Variants in WDR7 observed in about 807,000 individuals in gnomAD.
WDR7 encodes WD repeat domain 7.
A neutral mutation model predicts 169.4 loss-of-function variants in WDR7; 46 were observed. The observed-to-expected ratio is 0.27, with a 90% CI of 0.21 to 0.35. The LOEUF (loss-of-function observed/expected upper bound fraction) is 0.35, where lower values mean the gene tolerates loss of function less well. Ranked by LOEUF, WDR7 falls within the 10% of genes least tolerant of loss-of-function variation. The pLI is 1.00. For synonymous variants in WDR7, 612 were observed against 666.8 expected (o/e 0.92, Z 1.27); for missense variants, 1,534 against 1,859.3 (o/e 0.83, Z 3.22).
intron 12 of WDR7, among the ~76,000 whole-genome samples, chr18:56,716,331 GT>G (rs967375593): frequency 1.1e-4 from 16 of 151,194 alleles, no homozygotes; most frequent in South Asian, 2.1e-4. Context: ...TCCGAACTTA[GT>G]TTTTTTTTAA....
chr18:56,983,715 G>A (rs940778041), intron 26 of WDR7, among the ~76,000 whole-genome samples: 1 of 152,104 alleles, frequency 6.6e-6, no homozygotes, highest in African/African-American at 2.4e-5. Context: ...TAATTTTGGA[G>A]CATTCTTATG....
intron 14 of WDR7, among the ~76,000 whole-genome samples, chr18:56,744,245 GAAAAAA>G (rs58110613): frequency 2.1e-4 from 18 of 86,882 alleles, no homozygotes; most frequent in African/African-American, 4.5e-4. Flanking sequence ...TCTCAAAAAA[GAAAAAA>G]AAAAAAAAAA....
intron 26 of WDR7, among the ~76,000 whole-genome samples, chr18:57,003,851 T>C (rs550268473): frequency 6.6e-6 from 1 of 152,202 alleles, no homozygotes; most frequent in South Asian, 2.1e-4. Context: ...ATATTGATCA[T>C]TCTGGAGGGC....
chr18:56,875,557 C>T (rs1483085290), intron 20 of WDR7, among the ~76,000 whole-genome samples: 2 of 152,170 alleles, frequency 1.3e-5, no homozygotes, highest in Non-Finnish European at 2.9e-5. Context: ...TTTCCTGCCT[C>T]TCCTGCTTCA....
intron 25 of WDR7, among the ~76,000 whole-genome samples, chr18:56,949,629 C>T (rs1169236288): frequency 6.6e-6 from 1 of 152,210 alleles, no homozygotes; most frequent in Non-Finnish European, 1.5e-5. Context: ...TTGGGCACTA[C>T]ACCAAAACTC....
chr18:56,940,859 G>A (rs1016335049), intron 25 of WDR7, among the ~76,000 whole-genome samples: 2 of 152,096 alleles, frequency 1.3e-5, no homozygotes, highest in Non-Finnish European at 2.9e-5. Flanking sequence ...TCTGCTGGAA[G>A]CCTACCTCCT....
intron 26 of WDR7, among the ~76,000 whole-genome samples, chr18:56,973,563 A>G (rs2047523100): frequency 6.6e-6 from 1 of 152,122 alleles, no homozygotes; most frequent in Non-Finnish European, 1.5e-5. Flanking sequence ...GTCCTAGTAC[A>G]TTGAATTCAT....
At position 56,694,735 on chromosome 18, in the gene WDR7, A is replaced by G. The variant is rs779546043; in HGVS notation, c.1083A>G (p.Thr361=). Residue 361 remains threonine (T), a synonymous_variant, in exon 10 of 28, where the codon ACA becomes ACG. Transcript: ENST00000254442. ...TGAATATTTGGAACATATCAGACAC[A>G]GCTGATAAACAGGGAAGTGAAGAAG... ...GRLNIWNISD[T]ADKQGSEEGL... is the part of the protein sequence containing the mutation. 22 of 1,611,710 alleles carry G rather than the reference A, an allele frequency of 1.4e-5. No homozygotes were observed. The African/African-American group carries it at 2.7e-4, about 20-fold the overall frequency.
At chr18:57,005,350 T>G (rs1449227489) in intron 26 of WDR7, among the ~76,000 whole-genome samples, 3 of 152,182 alleles carry the variant, frequency 2.0e-5, no homozygotes, top group Non-Finnish European at 4.4e-5. Context: ...ACACTTACCA[T>G]GTAATGTTAT....
intron 12 of WDR7, among the ~76,000 whole-genome samples, chr18:56,703,182 T>G (rs2025869523): frequency 6.6e-6 from 1 of 152,200 alleles, no homozygotes; most frequent in Non-Finnish European, 1.5e-5. Flanking sequence ...TTGACAGTAT[T>G]AAAACCAGTA....
chr18:56,950,230 G>C (rs745995344), intron 25 of WDR7, among the ~76,000 whole-genome samples: 11 of 152,122 alleles, frequency 7.2e-5, no homozygotes, highest in Non-Finnish European at 1.6e-4. Flanking sequence ...TGTACTCAAG[G>C]GTTGAAATTT....
At chr18:57,011,202 C>A (rs1455971454) in intron 26 of WDR7, among the ~76,000 whole-genome samples, 1 of 149,548 alleles carries the variant, frequency 6.7e-6, no homozygotes, top group Non-Finnish European at 1.5e-5. Flanking sequence ...TAATATATAA[C>A]CCCCCCACAG....
intron 20 of WDR7, among the ~76,000 whole-genome samples, chr18:56,842,443 C>A (rs1339031946): frequency 6.6e-6 from 1 of 152,170 alleles, no homozygotes; most frequent in Non-Finnish European, 1.5e-5. Flanking sequence ...AGGTCCCACA[C>A]TTCTCAACAC....
At chr18:56,851,958 G>A (rs762562829) in intron 20 of WDR7, among the ~76,000 whole-genome samples, 6 of 152,142 alleles carry the variant, frequency 3.9e-5, no homozygotes, top group Non-Finnish European at 8.8e-5. Context: ...GCTGTTGAAA[G>A]GCTATAGTTT....
At chr18:56,981,257 A>G (rs1387257338) in intron 26 of WDR7, among the ~76,000 whole-genome samples, 1 of 152,214 alleles carries the variant, frequency 6.6e-6, no homozygotes, top group African/African-American at 2.4e-5. Context: ...ATAGATGGGA[A>G]ACATTGGAAG....
intron 26 of WDR7, among the ~76,000 whole-genome samples, chr18:57,008,458 G>A (rs952791038): frequency 7.9e-5 from 12 of 152,272 alleles, no homozygotes; most frequent in South Asian, 6.2e-4. Flanking sequence ...TTTCTGCCTC[G>A]TTTTCAAGCC....
chr18:56,779,617 A>C, intron 18 of WDR7, 68 bp downstream of exon 18: 2 of 1,150,920 alleles, frequency 1.7e-6, no homozygotes, highest in Non-Finnish European at 2.5e-6. Flanking sequence ...GTAAACTTGA[A>C]ACAAAAATGA....
intron 19 of WDR7, among the ~76,000 whole-genome samples, chr18:56,812,794 C>T (rs1023875896): frequency 6.6e-6 from 1 of 151,954 alleles, no homozygotes; most frequent in African/African-American, 2.4e-5. Flanking sequence ...CAGCGAGGGC[C>T]CCCAGATAAT....
chr18:56,924,138 G>T, intron 22 of WDR7, 30 bp downstream of exon 22: 4 of 1,603,138 alleles, frequency 2.5e-6, no homozygotes, highest in Admixed American at 1.7e-5. Flanking sequence ...AATTTAATTT[G>T]TCACTGTTTT....
Sources: allele counts gnomAD v4.1 joint callset (sites outside exome capture counted in the v4.1 genomes callset), GRCh38; gene constraint gnomAD v4.1.1; transcripts MANE v1.5; gene names NCBI Gene and HGNC (gene_info 2026-07-23, HGNC 2026-07-21).